Variants in ARHGAP31 observed in about 807,000 individuals in gnomAD.
The protein encoded by ARHGAP31 is rho GTPase-activating protein 31.
A neutral mutation model predicts 113.9 loss-of-function variants in ARHGAP31; 34 were observed. The observed-to-expected ratio is 0.30, with a 90% CI of 0.23 to 0.40. The LOEUF (loss-of-function observed/expected upper bound fraction) is 0.40. Among genes scored for constraint, ARHGAP31 ranks in the 10% least tolerant of loss-of-function variants. The probability of loss-of-function intolerance (pLI) is 1.00; values close to 1 mark genes in which losing one functional copy is unlikely to be tolerated. For missense variants in ARHGAP31, 1,548 were observed against 1,767.1 expected, an observed-to-expected ratio of 0.88 and a Z score of 2.22; for synonymous variants, 650 against 684.8, an observed-to-expected ratio of 0.95 and a Z score of 0.79.
chr3:119,342,949 C>CA (rs111606896), intron 1 of ARHGAP31, among the ~76,000 whole-genome samples: 5,986 of 138,716 alleles, frequency 0.043, 165 homozygotes, highest in African/African-American at 0.082. Flanking sequence ...AACTCTGTCT[C>CA]AAAAAAAAAA....
intron 1 of ARHGAP31, among the ~76,000 whole-genome samples, chr3:119,304,172 G>A (rs538366031): frequency 2.8e-4 from 43 of 152,086 alleles, no homozygotes; most frequent in African/African-American, 8.0e-4. Flanking sequence ...GGATTCTAAC[G>A]TGCCAGACAC....
chr3:119,359,199 G>A (rs2080184031), intron 1 of ARHGAP31, among the ~76,000 whole-genome samples: 1 of 151,874 alleles, frequency 6.6e-6, no homozygotes, highest in Admixed American at 6.6e-5. Flanking sequence ...TGTAGTTTTA[G>A]TAGAGACGAG....
chr3:119,411,767 G>T (rs2080719399), intron 11 of ARHGAP31, among the ~76,000 whole-genome samples: 1 of 152,152 alleles, frequency 6.6e-6, no homozygotes, highest in African/African-American at 2.4e-5. Flanking sequence ...ATATGTGAAA[G>T]AAATAATCCA....
intron 1 of ARHGAP31, among the ~76,000 whole-genome samples, chr3:119,337,460 A>C (rs1020379057): frequency 6.6e-6 from 1 of 152,214 alleles, no homozygotes; most frequent in Non-Finnish European, 1.5e-5. Flanking sequence ...CAGCACCAAC[A>C]TTTACTGCAA....
At chr3:119,343,552 C>T (rs2080028600) in intron 1 of ARHGAP31, among the ~76,000 whole-genome samples, 1 of 152,174 alleles carries the variant, frequency 6.6e-6, no homozygotes. Flanking sequence ...TTCGCTTTTC[C>T]AGAAGAGTGC....
intron 2 of ARHGAP31, among the ~76,000 whole-genome samples, chr3:119,367,759 A>T (rs1823265): frequency 6.6e-6 from 1 of 151,154 alleles, no homozygotes; most frequent in African/African-American, 2.4e-5. Context: ...TCAGAGGCTG[A>T]GGCAGGAGAA....
In ARHGAP31 at chr3:119,402,213, C is replaced by T. The variant is rs767040102; in HGVS notation, c.1461C>T (p.Ser487=). 6.2e-7 allele frequency: 1 copy of T among 1,614,282 alleles called. No individual in the cohort carries two copies. Among genetic ancestry groups the T allele is most frequent in the Admixed American group, 1.7e-5 (1 of 60,032 alleles). The part of the protein sequence containing the change: ...PRNQRKALNI[S]EPFAVSVPLR... ...ACCAGCGCAAGGCGCTGAACATCTC[C>T]GAGCCCTTTGCGGTATCTGTGCCGC... Residue 487 remains serine, a synonymous_variant, in exon 10 of 12, where the codon TCC becomes TCT. Transcript: ENST00000264245.
intron 7 of ARHGAP31, among the ~76,000 whole-genome samples, chr3:119,392,995 C>T (rs2080518502): frequency 6.6e-6 from 1 of 152,100 alleles, no homozygotes; most frequent in African/African-American, 2.4e-5. Context: ...GTCATCCCAG[C>T]ACTTGGGAGG....
rs201927115 is a variant in ARHGAP31 at position 119,382,295 on chromosome 3, C to G, written c.435C>G (p.Thr145=). ...GTCAAAAAACAAACCATTCTAGGAC[C>G]TTGGAATACCTGATTCGACACCTGG... ...IQELPPSHYR[T]LEYLIRHLAH... is the part of the protein sequence containing the mutation. The change falls in exon 5 of 12, where the codon ACC becomes ACG. Residue 145 remains threonine, a synonymous_variant. Coordinates refer to ENST00000264245, the MANE Select transcript of ARHGAP31 (RefSeq NM_020754.4). 2.4e-4 allele frequency: 392 copies of G among 1,614,108 alleles called. 2 individuals are homozygous for G. In the Middle Eastern group the frequency reaches 5.4e-3, roughly 22 times the overall value.
At chr3:119,337,445 G>A (rs900156927) in intron 1 of ARHGAP31, among the ~76,000 whole-genome samples, 7 of 152,210 alleles carry the variant, frequency 4.6e-5, no homozygotes, top group South Asian at 2.1e-4. Flanking sequence ...GACCCAAAGA[G>A]TGACCAGCAC....
chr3:119,375,524 G>A (rs971383940), intron 3 of ARHGAP31, among the ~76,000 whole-genome samples: 3 of 152,198 alleles, frequency 2.0e-5, no homozygotes, highest in African/African-American at 4.8e-5. Context: ...AACCACATCT[G>A]CAAAGACTCG....
Position 119,382,210 on chromosome 3 carries a change from C to G in ARHGAP31, c.432-82C>G, listed in dbSNP as rs2080406910. 9 of 1,297,310 alleles carry G rather than the reference C, an allele frequency of 6.9e-6. No individual in the cohort carries two copies. The Admixed American group carries it at 8.4e-5, about 12-fold the overall frequency. The allele number at this position is 1,297,310 out of a possible 1,614,324, so 80.4% of individuals were successfully genotyped here. On this transcript the variant is annotated intron_variant, in intron 4 of 11. Coordinates refer to ENST00000264245, the MANE Select transcript of ARHGAP31 (RefSeq NM_020754.4). ...AGAAATATTTAGAGTCTCTTAAATCCAAACTTAGAAATTATCTCCATATGT... is the reference window on the plus strand; with the variant it reads ...AGAAATATTTAGAGTCTCTTAAATCGAAACTTAGAAATTATCTCCATATGT...
At chr3:119,344,850 A>G (rs2080039945) in intron 1 of ARHGAP31, among the ~76,000 whole-genome samples, 1 of 152,218 alleles carries the variant, frequency 6.6e-6, no homozygotes, top group African/African-American at 2.4e-5. Context: ...TTTCAAATAA[A>G]GAAACTGAAC....
intron 1 of ARHGAP31, among the ~76,000 whole-genome samples, chr3:119,332,631 T>TCACA (rs1296865382): frequency 4.3e-5 from 5 of 115,298 alleles, no homozygotes; most frequent in South Asian, 2.9e-4. Context: ...TCTCTCTCTC[T>TCACA]CTCTCACACA....
chr3:119,327,956 C>T (rs2079860516), intron 1 of ARHGAP31, among the ~76,000 whole-genome samples: 1 of 152,182 alleles, frequency 6.6e-6, no homozygotes, highest in South Asian at 2.1e-4. Context: ...AGAAGAGACA[C>T]TTAAAGCACT....
At chr3:119,334,962 T>C (rs74618715) in intron 1 of ARHGAP31, among the ~76,000 whole-genome samples, 2,903 of 152,162 alleles carry the variant, frequency 0.019, 60 homozygotes, top group East Asian at 0.11. Context: ...AAGGAATCAA[T>C]AGAAATGAAA....
chr3:119,401,678 A>G (rs2080608581), intron 9 of ARHGAP31, 144 bp from the exon 10 acceptor site: 1 of 755,028 alleles, frequency 1.3e-6, no homozygotes, highest in Admixed American at 2.0e-5. Flanking sequence ...TCCAGATGTT[A>G]CCTGTCTTTA....
rs75795800 is a variant in ARHGAP31, at chr3:119,320,894, G to A, written c.100+25890G>A. 2.6e-3 allele frequency among the ~76,000 whole-genome samples: 394 copies of A among 152,140 alleles called. 2 individuals carry two copies. The highest frequency in any genetic ancestry group is 8.6e-3 in the Admixed American group (132 of 15,268). On this transcript the variant is annotated intron_variant, in intron 1 of 11. Coordinates refer to ENST00000264245, the MANE Select transcript of ARHGAP31 (RefSeq NM_020754.4). ...TGAATCATGGGGCCAGGCCTTTCTC[G>A]GGCTGTTCTTGTGATAGTGAGTAAG...
At position 119,417,923 on chromosome 3, in the gene ARHGAP31, T is replaced by A. The variant is rs2080792294; in HGVS notation, c.*1659T>A. The A allele has an allele frequency of 6.6e-6, 1 of 152,056 alleles. No homozygotes were observed. Among genetic ancestry groups the A allele is most frequent in the African/African-American group, 2.4e-5 (1 of 41,390 alleles). 9.4% of individuals were successfully genotyped at this position (152,056 alleles called of 1,614,324 possible). On this transcript the variant is annotated 3_prime_UTR_variant, in exon 12 of 12. Coordinates refer to ENST00000264245, the MANE Select transcript of ARHGAP31 (RefSeq NM_020754.4). ...GGCTGATAGTACCTCTGGGTAGGCG[T>A]CACAACCAAGGCTGGTTCTGGGCTT...
Sources: allele counts gnomAD v4.1 joint callset (sites outside exome capture counted in the v4.1 genomes callset), GRCh38; gene constraint gnomAD v4.1.1; transcripts MANE v1.5; gene names NCBI Gene and HGNC (gene_info 2026-07-23, HGNC 2026-07-21).